Variants in TNFSF4 observed in about 807,000 individuals in gnomAD.
The protein encoded by TNFSF4 is tumor necrosis factor ligand superfamily member 4.
In TNFSF4, 4 loss-of-function variants were observed where a neutral mutation model predicts 7.3. The observed-to-expected ratio is 0.55, with a 90% CI of 0.27 to 1.25. The LOEUF (loss-of-function observed/expected upper bound fraction) is 1.25. TNFSF4 is among the 50% of genes most tolerant of loss of function. The pLI, the probability that TNFSF4 is intolerant of heterozygous loss-of-function variation, is 0.12. For synonymous variants in TNFSF4, 76 were observed against 83.7 expected, an observed-to-expected ratio of 0.91 and a Z score of 0.50; for missense variants, 181 against 208.8, an observed-to-expected ratio of 0.87 and a Z score of 0.82.
chr1:173,374,650 C>T, the TNFSF4 span, among the ~76,000 whole-genome samples: 1 of 152,172 alleles, frequency 6.6e-6, no homozygotes, highest in Non-Finnish European at 1.5e-5. Flanking sequence ...TAAGTGAAAA[C>T]ATACATAAAT....
At chr1:173,421,519 A>G in the TNFSF4 span, among the ~76,000 whole-genome samples, 1 of 152,114 alleles carries the variant, frequency 6.6e-6, no homozygotes, top group Non-Finnish European at 1.5e-5. Flanking sequence ...GCTGCTGGTA[A>G]AATAATCTGC....
the TNFSF4 span, among the ~76,000 whole-genome samples, chr1:173,250,662 T>C: frequency 6.6e-6 from 1 of 152,260 alleles, no homozygotes; most frequent in Middle Eastern, 3.4e-3. Context: ...GGTTTCACCA[T>C]GTTAGCCAGG....
the TNFSF4 span, among the ~76,000 whole-genome samples, chr1:173,370,848 G>A: frequency 6.6e-6 from 1 of 152,178 alleles, no homozygotes; most frequent in African/African-American, 2.4e-5. Flanking sequence ...GTTCAGAGAG[G>A]ACAGAAAATG....
the TNFSF4 span, among the ~76,000 whole-genome samples, chr1:173,442,545 G>GTTTTTTTTTTTTTTTTTTTTTTTTTTT: frequency 1.5e-4 from 14 of 93,450 alleles, 6 homozygotes; most frequent in Non-Finnish European, 1.3e-4. Context: ...TTTCGTTTTT[G>GTTTTTTTTTTTTTTTTTTTTTTTTTTT]TTTTTGTTTT....
At chr1:173,236,122 A>G in the TNFSF4 span, among the ~76,000 whole-genome samples, 3 of 152,140 alleles carry the variant, frequency 2.0e-5, no homozygotes, top group African/African-American at 7.2e-5. Context: ...ATTACAAGCC[A>G]TGAGAGTCAA....
At chr1:173,244,445 A>T in the TNFSF4 span, among the ~76,000 whole-genome samples, 1 of 151,894 alleles carries the variant, frequency 6.6e-6, no homozygotes, top group Non-Finnish European at 1.5e-5. Flanking sequence ...GATCGAGACC[A>T]TCCCGGCTAA....
chr1:173,380,441 A>G, the TNFSF4 span, among the ~76,000 whole-genome samples: 1 of 152,086 alleles, frequency 6.6e-6, no homozygotes, highest in African/African-American at 2.4e-5. Context: ...ACACCCTACA[A>G]CTTCAAGCCC....
the TNFSF4 span, among the ~76,000 whole-genome samples, chr1:173,309,460 T>A: frequency 6.6e-6 from 1 of 151,936 alleles, no homozygotes; most frequent in African/African-American, 2.4e-5. Context: ...TCTTGAACTA[T>A]TGAGACAATT....
chr1:173,290,479 TA>T, the TNFSF4 span, among the ~76,000 whole-genome samples: 1 of 151,844 alleles, frequency 6.6e-6, no homozygotes, highest in Non-Finnish European at 1.5e-5. Flanking sequence ...TCAAAAATAA[TA>T]AAAAACAATA....
the TNFSF4 span, among the ~76,000 whole-genome samples, chr1:173,394,272 T>TGGTGAAATGTTA: frequency 1.3e-5 from 2 of 151,594 alleles, no homozygotes; most frequent in South Asian, 4.2e-4. Context: ...TTCATGAGTT[T>TGGTGAAATGTTA]GGTGAAATGT....
the TNFSF4 span, among the ~76,000 whole-genome samples, chr1:173,370,568 A>G: frequency 2.6e-5 from 4 of 152,346 alleles, no homozygotes; most frequent in Middle Eastern, 6.8e-3. Flanking sequence ...GGAGGCCTTA[A>G]GAATATATAC....
chr1:173,422,630 G>A, the TNFSF4 span, among the ~76,000 whole-genome samples: 1 of 152,130 alleles, frequency 6.6e-6, no homozygotes, highest in Non-Finnish European at 1.5e-5. Context: ...CCAGGCTGAG[G>A]CTGAGAAGAT....
the TNFSF4 span, among the ~76,000 whole-genome samples, chr1:173,221,483 AT>A: frequency 6.6e-6 from 1 of 152,208 alleles, no homozygotes; most frequent in Non-Finnish European, 1.5e-5. Context: ...GATCTGGGAT[AT>A]ACTTTGGAGG....
chr1:173,309,485 T>A, the TNFSF4 span, among the ~76,000 whole-genome samples: 11 of 151,948 alleles, frequency 7.2e-5, no homozygotes, highest in Non-Finnish European at 1.5e-4. Flanking sequence ...AATTTTTCTT[T>A]TTTAGTTGAT....
rs1270038326 is a variant in TNFSF4, at chr1:173,186,210, T to C, written c.*306A>G. The C allele has an allele frequency of 7.4e-6, 2 of 269,564 alleles. No homozygotes were observed. Among genetic ancestry groups the C allele is most frequent in the Non-Finnish European group, 7.0e-6 (1 of 142,320 alleles). 16.7% of individuals were successfully genotyped at this position (269,564 alleles called of 1,614,324 possible). A position where few individuals can be genotyped will look rare whatever the true frequency, so the allele number is the denominator to read the frequency against. ...ACAATTGCCTGACCAATAGAAACAATGCATCTTGAAGAAGAGGCATCTATT... is the reference window on the plus strand; with the variant it reads ...ACAATTGCCTGACCAATAGAAACAACGCATCTTGAAGAAGAGGCATCTATT... On this transcript the variant is annotated 3_prime_UTR_variant, in exon 3 of 3. Coordinates refer to ENST00000281834, the MANE Select transcript of TNFSF4 (RefSeq NM_003326.5).
At chr1:173,312,062 TATTA>T in the TNFSF4 span, among the ~76,000 whole-genome samples, 1 of 152,250 alleles carries the variant, frequency 6.6e-6, no homozygotes, top group South Asian at 2.1e-4. Flanking sequence ...TTGTGACGTG[TATTA>T]ATTATCTGCT....
chr1:173,288,743 T>C, the TNFSF4 span, among the ~76,000 whole-genome samples: 3 of 152,160 alleles, frequency 2.0e-5, no homozygotes, highest in South Asian at 4.2e-4. Context: ...TGTGAGTAAT[T>C]CATGGGTTAA....
At chr1:173,419,357 A>G in the TNFSF4 span, among the ~76,000 whole-genome samples, 2 of 151,680 alleles carry the variant, frequency 1.3e-5, no homozygotes, top group Non-Finnish European at 2.9e-5. Flanking sequence ...AAAAAAAAAA[A>G]AAGAAGAGTT....
the TNFSF4 span, among the ~76,000 whole-genome samples, chr1:173,227,696 G>A: frequency 6.6e-6 from 1 of 152,230 alleles, no homozygotes; most frequent in Non-Finnish European, 1.5e-5. Context: ...CCCAAGGGAA[G>A]CTGTGACAGA....
Sources: allele counts gnomAD v4.1 joint callset (sites outside exome capture counted in the v4.1 genomes callset), GRCh38; gene constraint gnomAD v4.1.1; transcripts MANE v1.5; gene names NCBI Gene and HGNC (gene_info 2026-07-23, HGNC 2026-07-21).